SLC4A4: variants seen among roughly 807,000 people sequenced by gnomAD.
SLC4A4 encodes the protein electrogenic sodium bicarbonate cotransporter 1.
In SLC4A4, 27 loss-of-function variants were observed where a neutral mutation model predicts 111.5. The ratio of observed to expected loss-of-function variants is 0.24; its 90% CI spans 0.18 to 0.33. The LOEUF is 0.33. Among genes scored for constraint, SLC4A4 ranks in the 10% least tolerant of loss-of-function variants. SLC4A4 has a pLI of 1.00. For missense variants in SLC4A4, 909 were observed against 1,315.5 expected, an observed-to-expected ratio of 0.69 and a Z score of 4.78; for synonymous variants, 443 against 463.4, an observed-to-expected ratio of 0.96 and a Z score of 0.57.
intron 18 of SLC4A4, among the ~76,000 whole-genome samples, chr4:71,544,141 G>C (rs377175975): frequency 6.6e-6 from 1 of 152,008 alleles, no homozygotes; most frequent in Admixed American, 6.6e-5. Flanking sequence ...TGTTGTGATA[G>C]AGGAAGTCAT....
intron 24 of SLC4A4, among the ~76,000 whole-genome samples, chr4:71,564,751 A>G (rs1422157798): frequency 6.6e-6 from 1 of 151,948 alleles, no homozygotes; most frequent in Non-Finnish European, 1.5e-5. Flanking sequence ...CACCTCAACT[A>G]CAATAAGAGG....
At position 71,569,728 on chromosome 4, in the gene SLC4A4, G is replaced by A. The variant is rs1737789362; in HGVS notation, c.*1977G>A. The A allele has an allele frequency of 1.3e-5, 2 of 151,510 alleles. No individual in the cohort carries two copies. The highest frequency in any genetic ancestry group is 1.3e-4 in the Admixed American group (2 of 15,170). 9.4% of individuals were successfully genotyped at this position (151,510 alleles called of 1,614,324 possible). On this transcript the variant is annotated 3_prime_UTR_variant, in exon 26 of 26. Coordinates refer to ENST00000264485, the MANE Select transcript of SLC4A4 (RefSeq NM_001098484.3). Reference sequence around the variant, plus strand: ...CTTATTGACTCCCACTCATTGTTATGTTAATTAAGTTATTATTCTGTCTCC... The same window carrying A: ...CTTATTGACTCCCACTCATTGTTATATTAATTAAGTTATTATTCTGTCTCC...
At chr4:71,182,912 A>C (rs1745338050), upstream of SLC4A4, among the ~76,000 whole-genome samples, 1 of 152,154 alleles carries the variant, frequency 6.6e-6, no homozygotes, top group Admixed American at 6.5e-5. Flanking sequence ...TTCCAAACAG[A>C]GAGGTCTGTG....
chr4:71,499,552 C>T (rs923924944), intron 16 of SLC4A4, among the ~76,000 whole-genome samples: 2 of 152,108 alleles, frequency 1.3e-5, no homozygotes, highest in African/African-American at 4.8e-5. Context: ...TTCCTCTTGT[C>T]TGATACTTTG....
intron 2 of SLC4A4, among the ~76,000 whole-genome samples, chr4:71,143,351 T>C (rs925973335): frequency 6.6e-6 from 1 of 152,168 alleles, no homozygotes; most frequent in African/African-American, 2.4e-5. Context: ...TCTATCATTG[T>C]TGGACATTTG....
intron 3 of SLC4A4, among the ~76,000 whole-genome samples, chr4:71,310,511 A>G (rs1027829356): frequency 6.6e-6 from 1 of 152,242 alleles, no homozygotes; most frequent in African/African-American, 2.4e-5. Context: ...CCTACAAGCC[A>G]GAAGAGAGTG....
At chr4:71,559,943 A>G (rs1381090186) in intron 22 of SLC4A4, 150 bp from the exon 23 acceptor site, 3 of 649,132 alleles carry the variant, frequency 4.6e-6, no homozygotes, top group Non-Finnish European at 8.3e-6. Context: ...TTCACTCGGT[A>G]TAAGTCCATA....
intron 2 of SLC4A4, among the ~76,000 whole-genome samples, chr4:71,253,094 C>A (rs1054199035): frequency 6.6e-6 from 1 of 152,148 alleles, no homozygotes. Context: ...TAGACAGAAT[C>A]TGTTGCTGAG....
chr4:71,383,276 G>A (rs1459879669), intron 6 of SLC4A4, among the ~76,000 whole-genome samples: 1 of 152,160 alleles, frequency 6.6e-6, no homozygotes, highest in Non-Finnish European at 1.5e-5. Flanking sequence ...ATATACATAA[G>A]TAAGCGAGGT....
intron 3 of SLC4A4, among the ~76,000 whole-genome samples, chr4:71,264,006 G>T (rs903245976): frequency 2.0e-5 from 3 of 152,074 alleles, no homozygotes; most frequent in East Asian, 1.9e-4. Flanking sequence ...CATAAAAGAG[G>T]TTACTTATGG....
intron 3 of SLC4A4, among the ~76,000 whole-genome samples, chr4:71,299,829 C>T (rs1345127651): frequency 6.6e-6 from 1 of 152,146 alleles, no homozygotes; most frequent in Non-Finnish European, 1.5e-5. Context: ...CAGGGCTGGG[C>T]TGGAGCAGCC....
intron 1 of SLC4A4, among the ~76,000 whole-genome samples, chr4:71,196,874 A>AAAAACAAAAAAAC (rs1746032213): frequency 7.1e-6 from 1 of 140,938 alleles, no homozygotes; most frequent in East Asian, 2.1e-4. Context: ...AAAAAAAAAA[A>AAAAACAAAAAAAC]TGCAGACAGA....
intron 7 of SLC4A4, among the ~76,000 whole-genome samples, chr4:71,409,191 G>A (rs1464233442): frequency 6.6e-6 from 1 of 152,144 alleles, no homozygotes; most frequent in Admixed American, 6.5e-5. Context: ...CAGAAGTGGG[G>A]TGTTGCTGAA....
intron 2 of SLC4A4, among the ~76,000 whole-genome samples, chr4:71,252,961 A>G (rs565855583): frequency 6.6e-6 from 1 of 152,294 alleles, no homozygotes; most frequent in East Asian, 1.9e-4. Flanking sequence ...GAGAGGAACA[A>G]CATTTCTGCT....
At chr4:71,164,937 C>A (rs1265916607) in intron 2 of SLC4A4, among the ~76,000 whole-genome samples, 3 of 151,880 alleles carry the variant, frequency 2.0e-5, no homozygotes. Context: ...ATGTGGCCAA[C>A]AAATATATGA....
intron 3 of SLC4A4, among the ~76,000 whole-genome samples, chr4:71,310,171 A>T (rs1726024143): frequency 6.6e-6 from 1 of 152,108 alleles, no homozygotes; most frequent in Non-Finnish European, 1.5e-5. Context: ...CCTCCAAGAA[A>T]TATGGGACTC....
chr4:71,135,311 T>C (rs1578512248), intron 2 of SLC4A4, among the ~76,000 whole-genome samples: 1 of 151,202 alleles, frequency 6.6e-6, no homozygotes, highest in African/African-American at 2.4e-5. Context: ...TTTTTTTTTT[T>C]TTGAGACAGA....
At chr4:71,100,354 A>C (rs78946095) in intron 2 of SLC4A4, among the ~76,000 whole-genome samples, 17,128 of 151,908 alleles carry the variant, frequency 0.11, 1,233 homozygotes, top group East Asian at 0.15. Context: ...ACAAAAAAAA[A>C]ACACATGATT....
chr4:71,234,350 C>G (rs147070144), intron 1 of SLC4A4, among the ~76,000 whole-genome samples: 1 of 152,322 alleles, frequency 6.6e-6, no homozygotes, highest in East Asian at 1.9e-4. Context: ...ATTTGCTGAA[C>G]CAGTGAATAT....
Sources: gnomAD v4.1 joint callset for allele counts (sites outside exome capture counted in the v4.1 genomes callset) on GRCh38, gnomAD v4.1.1 for gene constraint, MANE v1.5 for transcripts, NCBI Gene and HGNC (gene_info 2026-07-23, HGNC 2026-07-21) for gene names.